The following LTBP4 variants were observed in gnomAD, a reference collection of about 807,000 sequenced individuals.
LTBP4 encodes latent-transforming growth factor beta-binding protein 4.
In LTBP4, 93 loss-of-function variants were observed where a neutral mutation model predicts 180.2. The ratio of observed to expected loss-of-function variants is 0.52; its 90% confidence interval spans 0.44 to 0.61. The LOEUF (loss-of-function observed/expected upper bound fraction) is 0.61, where lower values mean the gene tolerates loss of function less well. Among genes scored for constraint, LTBP4 ranks in the 20% least tolerant of loss-of-function variants. The probability of loss-of-function intolerance (pLI) is 0.00; values close to 1 mark genes in which losing one functional copy is unlikely to be tolerated. For missense variants in LTBP4, 2,116 were observed against 2,256.5 expected (o/e 0.94, Z 1.26); for synonymous variants, 947 against 934.5 (o/e 1.01, Z -0.24).
upstream of LTBP4, among the ~76,000 whole-genome samples, chr19:40,596,956 G>A (rs1031369797): frequency 1.3e-5 from 2 of 152,058 alleles, no homozygotes; most frequent in Admixed American, 1.3e-4. Flanking sequence ...GGTTCACGGA[G>A]CCAGTATCCG....
intron 6 of LTBP4, 103 bp from the exon 7 acceptor site, chr19:40,607,262 C>G: frequency 2.6e-6 from 1 of 384,322 alleles, no homozygotes; most frequent in Non-Finnish European, 4.6e-6. Flanking sequence ...CACCCACCAA[C>G]CCCCCACCCC....
chr19:40,624,969 C>G (rs1346449039), intron 26 of LTBP4, among the ~76,000 whole-genome samples: 3 of 151,572 alleles, frequency 2.0e-5, no homozygotes, highest in Admixed American at 1.3e-4. Flanking sequence ...GTGTTTCTCT[C>G]TCTCTCTTTG....
At chr19:40,617,375 G>A (rs2081557794) in intron 21 of LTBP4, 150 bp downstream of exon 21, 3 of 1,150,728 alleles carry the variant, frequency 2.6e-6, no homozygotes, top group Non-Finnish European at 3.6e-6. Flanking sequence ...CAGGCACGGT[G>A]GCTCACGCCT....
rs924988614 is a variant in LTBP4, at chr19:40,605,379, C to G, written c.443-26C>G. 5 of 1,611,092 alleles carry G rather than the reference C, an allele frequency of 3.1e-6. No homozygotes were observed. Among genetic ancestry groups the G allele is most frequent in the Non-Finnish European group, 3.4e-6 (4 of 1,178,740 alleles). On this transcript the variant is annotated intron_variant, in intron 2 of 29. Coordinates refer to ENST00000396819, the MANE Select transcript of LTBP4 (RefSeq NM_001042545.2). This position sits in a 1 kb window ranked among gnomAD's most constrained non-coding sequence, Gnocchi z 5.5. ...CCCCGTAAGAACCCGTGTAGACATC[C>G]GTTTGCCCGGCCGTGCCTCCCCTAG... is the stretch of plus-strand genomic sequence containing the variant.
Position 40,625,305 on chromosome 19 carries a change from TATATATATATA to T in LTBP4, c.3833-551_3833-541del, listed in dbSNP as rs1209820441. Among the ~76,000 whole-genome samples, 195 of 28,880 alleles carry T rather than the reference TATATATATATA, an allele frequency of 6.8e-3. 39 individuals carry two copies. Among genetic ancestry groups the T allele is most frequent in the Admixed American group, 0.016 (41 of 2,510 alleles). 18.9% of individuals were successfully genotyped at this position (28,880 alleles called of 152,430 possible). A position where few individuals can be genotyped will look rare whatever the true frequency, so the allele number is the denominator to read the frequency against. On this transcript the variant is annotated intron_variant, in intron 26 of 29. Transcript: ENST00000396819. ...ATATATATATATATATATATATATA[TATATATATATA>T]TTTTTTTTTTTAAAGATGGGTTTTT...
upstream of LTBP4, among the ~76,000 whole-genome samples, chr19:40,597,004 T>A (rs1453751121): frequency 6.6e-6 from 1 of 151,878 alleles, no homozygotes; most frequent in African/African-American, 2.4e-5. Context: ...GAACTCGAGG[T>A]CCCCCGCGCC....
At position 40,610,520 on chromosome 19, in the gene LTBP4, C is replaced by G; in HGVS notation, c.1685-12C>G. The G allele has an allele frequency of 6.3e-7, 1 of 1,589,436 alleles. No individual in the cohort carries two copies. Among genetic ancestry groups the G allele is most frequent in the Non-Finnish European group, 8.5e-7 (1 of 1,172,690 alleles). The stretch of plus-strand genomic sequence containing the variant: ...TCTGCCCCAGTCCCAGCCGCCTGGT[C>G]TGTGCCTACAGATGTGGACGAGTGC... On this transcript the variant is annotated splice_polypyrimidine_tract_variant and intron_variant, in intron 11 of 29. Coordinates refer to ENST00000396819, the MANE Select transcript of LTBP4 (RefSeq NM_001042545.2).
chr19:40,617,166 C>T lies in LTBP4; in HGVS notation c.3011C>T (p.Ser1004Phe), dbSNP rs1242068836. 1.1e-5 allele frequency: 18 copies of T among 1,613,884 alleles called. No individual in the cohort carries two copies. The highest frequency in any genetic ancestry group is 1.5e-5 in the Non-Finnish European group (18 of 1,179,858). ...GCCGTGTGCCAGAACCTGCCCGGCTCCTTCCAGTGCCTCTGTGACCAGGGT... is the reference window on the plus strand; with the variant it reads ...GCCGTGTGCCAGAACCTGCCCGGCTTCTTCCAGTGCCTCTGTGACCAGGGT... ...AHAVCQNLPG[S>F]FQCLCDQGYE... is the part of the protein sequence containing the mutation. The change falls in exon 21 of 30, where the codon TCC (serine) becomes TTC (phenylalanine). Residue 1004 changes from serine (S) to phenylalanine (F), a missense_variant. Coordinates refer to ENST00000396819, the MANE Select transcript of LTBP4 (RefSeq NM_001042545.2).
intron 26 of LTBP4, among the ~76,000 whole-genome samples, chr19:40,625,255 TA>T (rs2081616489): frequency 7.4e-3 from 14 of 1,904 alleles, no homozygotes; most frequent in African/African-American, 0.017. Context: ...TTTGTATTTA[TA>T]TATATATATA....
intron 21 of LTBP4, among the ~76,000 whole-genome samples, chr19:40,619,100 G>A (rs527526732): frequency 1.1e-4 from 16 of 151,806 alleles, no homozygotes; most frequent in Non-Finnish European, 2.2e-4. Flanking sequence ...TCATCTGTTT[G>A]GTCATTCCTG....
Position 40,608,314 on chromosome 19 carries a change from C to T in LTBP4, c.1251C>T (p.Pro417=), listed in dbSNP as rs773719742. Residue 417 remains proline, a synonymous_variant, in exon 8 of 30, where the codon CCC becomes CCT. Coordinates refer to ENST00000396819, the MANE Select transcript of LTBP4 (RefSeq NM_001042545.2). ...YNTRPLGQEP[P]RVSLSQPRTL... ...CCAGACCCCTGGGCCAGGAGCCACC[C>T]CGAGTGTCACTCAGCCAGCCTCGTA... The T allele has an allele frequency of 6.2e-7, 1 of 1,613,790 alleles. No homozygotes were observed. Among genetic ancestry groups the T allele is most frequent in the Non-Finnish European group, 8.5e-7 (1 of 1,179,876 alleles).
chr19:40,594,762 G>T (rs2081382063), intron 1 of LTBP4, among the ~76,000 whole-genome samples: 1 of 152,172 alleles, frequency 6.6e-6, no homozygotes, highest in African/African-American at 2.4e-5. Context: ...GACGGTGCTG[G>T]ACCCAGATTT....
At position 40,609,633 on chromosome 19, in the gene LTBP4, G is replaced by T; in HGVS notation, c.1530G>T (p.Arg510=). 6.2e-7 allele frequency: 1 copy of T among 1,613,268 alleles called. No homozygotes were observed. Among genetic ancestry groups the T allele is most frequent in the Non-Finnish European group, 8.5e-7 (1 of 1,179,804 alleles). The part of the protein sequence containing the change: ...GYTCACDSGF[R]LSPQGTRCID... ...CCTGCGCTTGCGACTCTGGCTTCCGGCTCAGCCCCCAGGGCACCCGATGCA... is the reference window on the plus strand; with the variant it reads ...CCTGCGCTTGCGACTCTGGCTTCCGTCTCAGCCCCCAGGGCACCCGATGCA... Residue 510 remains arginine (R), a synonymous_variant, in exon 10 of 30, where the codon CGG becomes CGT. Coordinates refer to ENST00000396819, the MANE Select transcript of LTBP4 (RefSeq NM_001042545.2). This position sits in a 1 kb window ranked among gnomAD's most constrained non-coding sequence, Gnocchi z 4.9.
chr19:40,620,045 G>A (rs1370001286), intron 22 of LTBP4, among the ~76,000 whole-genome samples: 2 of 152,158 alleles, frequency 1.3e-5, no homozygotes, highest in Non-Finnish European at 2.9e-5. Flanking sequence ...CAAAGGCCTG[G>A]CAAAGCCAGA....
At position 40,613,626 on chromosome 19, in the gene LTBP4, T is replaced by C. The variant is rs1366890856; in HGVS notation, c.2557+97T>C. Reference sequence around the variant, plus strand: ...AGGGCGAAAAGGGGAAAACGAGTTTTTAGCCGGGGTATTCCAGCAGGATCA... The same window carrying C: ...AGGGCGAAAAGGGGAAAACGAGTTTCTAGCCGGGGTATTCCAGCAGGATCA... On this transcript the variant is annotated intron_variant, in intron 17 of 29. Coordinates refer to ENST00000396819, the MANE Select transcript of LTBP4 (RefSeq NM_001042545.2). This position sits in a 1 kb window ranked among gnomAD's most constrained non-coding sequence, Gnocchi z 5.0. 1 of 1,524,886 alleles carries C rather than the reference T, an allele frequency of 6.6e-7. No homozygotes were observed. Among genetic ancestry groups the C allele is most frequent in the Non-Finnish European group, 8.8e-7 (1 of 1,135,876 alleles). The allele number at this position is 1,524,886 out of a possible 1,614,324, so 94.5% of individuals were successfully genotyped here. A position where few individuals can be genotyped will look rare whatever the true frequency, so the allele number is the denominator to read the frequency against.
At chr19:40,598,430 T>C, upstream of LTBP4, 1 of 143,690 alleles carries the variant, frequency 7.0e-6, no homozygotes, top group Non-Finnish European at 1.5e-5. Context: ...CTAGACCCCC[T>C]TAGCCTGGGG....
At chr19:40,593,874 AC>A (rs2081378238) in intron 1 of LTBP4, among the ~76,000 whole-genome samples, 1 of 151,542 alleles carries the variant, frequency 6.6e-6, no homozygotes, top group Non-Finnish European at 1.5e-5. Context: ...GCTCACCTCA[AC>A]CTCTGCCTCC....
At position 40,611,039 on chromosome 19, in the gene LTBP4, G is replaced by C; in HGVS notation, c.1811-113G>C. The C allele has an allele frequency of 2.1e-6, 3 of 1,409,316 alleles. No homozygotes were observed. The highest frequency in any genetic ancestry group is 2.9e-6 in the Non-Finnish European group (3 of 1,019,948). The allele number at this position is 1,409,316 out of a possible 1,614,324, so 87.3% of individuals were successfully genotyped here. On this transcript the variant is annotated intron_variant, in intron 12 of 29. Transcript: ENST00000396819. This position sits in a 1 kb window ranked among gnomAD's most constrained non-coding sequence, Gnocchi z 4.4. Reference sequence around the variant, plus strand: ...TGCAGAGTCAGATGATGGTGACAAGGAGGAATAGAGATGGGGTCACGGGGA... The same window carrying C: ...TGCAGAGTCAGATGATGGTGACAAGCAGGAATAGAGATGGGGTCACGGGGA...
rs757822026 is a variant in LTBP4, at chr19:40,609,695, G to GC, written c.1558+35dup. ...GACGGAGGGCGCGGAAGGAGGCGGG[G>GC]CGGGGGGCTTTGCCTGGTCACCTTG... On this transcript the variant is annotated intron_variant, in intron 10 of 29. Coordinates refer to ENST00000396819, the MANE Select transcript of LTBP4 (RefSeq NM_001042545.2). The surrounding 1 kb of genome is among the most constrained non-coding windows in gnomAD (Gnocchi z 4.9). 5.0e-6 allele frequency: 8 copies of GC among 1,611,652 alleles called. No homozygotes were observed. The highest frequency in any genetic ancestry group is 6.8e-6 in the Non-Finnish European group (8 of 1,178,730).
Sources: allele counts gnomAD v4.1 joint callset (sites outside exome capture counted in the v4.1 genomes callset), GRCh38; gene constraint gnomAD v4.1.1; non-coding constraint Gnocchi (gnomAD v3.1); transcripts MANE v1.5; gene names NCBI Gene and HGNC (gene_info 2026-07-23, HGNC 2026-07-21).